The following IL1R1 variants were observed in gnomAD, a reference collection of about 807,000 sequenced individuals.
IL1R1 encodes interleukin 1 receptor type 1.
A neutral mutation model predicts 50.2 loss-of-function variants in IL1R1; 22 were observed. The ratio of observed to expected loss-of-function variants is 0.44; its 90% CI spans 0.31 to 0.63. The LOEUF (loss-of-function observed/expected upper bound fraction) is 0.63, where lower values mean the gene tolerates loss of function less well. Among genes scored for constraint, IL1R1 ranks in the 20% least tolerant of loss-of-function variants. IL1R1 has a pLI of 0.07. For missense variants in IL1R1, 509 were observed against 676.2 expected, an observed-to-expected ratio of 0.75 and a Z score of 2.74; for synonymous variants, 251 against 236.7, an observed-to-expected ratio of 1.06 and a Z score of -0.55.
At chr2:102,107,105 C>A (rs570292295) in intron 1 of IL1R1, among the ~76,000 whole-genome samples, 1 of 152,054 alleles carries the variant, frequency 6.6e-6, no homozygotes. Flanking sequence ...ATTTATGTGC[C>A]CACCAGCACT....
At chr2:102,111,869 AAGAT>A (rs1680784944) in intron 1 of IL1R1, among the ~76,000 whole-genome samples, 1 of 152,158 alleles carries the variant, frequency 6.6e-6, no homozygotes, top group African/African-American at 2.4e-5. Context: ...TAACTTTAGA[AAGAT>A]AGAGGTGACC....
At chr2:102,158,584 A>G (rs1471220456) in intron 3 of IL1R1, among the ~76,000 whole-genome samples, 1 of 152,248 alleles carries the variant, frequency 6.6e-6, no homozygotes, top group Non-Finnish European at 1.5e-5. Flanking sequence ...AGTATTTGGC[A>G]GGCTTTCAGA....
chr2:102,109,093 G>A (rs574220224), intron 1 of IL1R1, among the ~76,000 whole-genome samples: 7 of 152,062 alleles, frequency 4.6e-5, no homozygotes, highest in African/African-American at 1.4e-4. Context: ...ATTAAGAAAC[G>A]GAAGCACAGA....
chr2:102,124,735 T>G (rs1181676531), intron 1 of IL1R1, among the ~76,000 whole-genome samples: 1 of 151,950 alleles, frequency 6.6e-6, no homozygotes, highest in African/African-American at 2.4e-5. Flanking sequence ...CTGGCCAACA[T>G]GGTAAAACCC....
chr2:102,089,293 AT>A (rs1185633301), intron 1 of IL1R1, among the ~76,000 whole-genome samples: 1 of 152,142 alleles, frequency 6.6e-6, no homozygotes, highest in Non-Finnish European at 1.5e-5. Context: ...TAATTTCAAT[AT>A]TGTTGCATCT....
chr2:102,172,951 C>G (rs1230290421), intron 9 of IL1R1, 113 bp downstream of exon 9: 5 of 690,918 alleles, frequency 7.2e-6, no homozygotes, highest in Admixed American at 2.8e-5. Flanking sequence ...TTCCTCATTA[C>G]TTGGGTAACT....
At chr2:102,093,956 C>T (rs1266844891) in intron 1 of IL1R1, among the ~76,000 whole-genome samples, 7 of 152,194 alleles carry the variant, frequency 4.6e-5, no homozygotes, top group East Asian at 1.9e-4. Context: ...AACCTGCCTC[C>T]GTCCTGAGCT....
chr2:102,076,006 C>T (rs1678940371), intron 1 of IL1R1, among the ~76,000 whole-genome samples: 1 of 152,326 alleles, frequency 6.6e-6, no homozygotes, highest in South Asian at 2.1e-4. Context: ...ATAACGCTTT[C>T]ATTTCTCCCT....
At chr2:102,121,312 C>T (rs1357879255) in intron 1 of IL1R1, among the ~76,000 whole-genome samples, 1 of 152,194 alleles carries the variant, frequency 6.6e-6, no homozygotes, top group African/African-American at 2.4e-5. Flanking sequence ...AACTTCTATC[C>T]CCCTCCTCGG....
intron 1 of IL1R1, among the ~76,000 whole-genome samples, chr2:102,110,436 C>CA (rs1382953195): frequency 1.4e-5 from 2 of 142,152 alleles, no homozygotes; most frequent in African/African-American, 5.3e-5. Context: ...CCCACCCCCC[C>CA]ACCCCACCAG....
At chr2:102,121,454 G>A (rs1681401956) in intron 1 of IL1R1, among the ~76,000 whole-genome samples, 1 of 152,304 alleles carries the variant, frequency 6.6e-6, no homozygotes, top group South Asian at 2.1e-4. Flanking sequence ...CCAGCCCGGT[G>A]ACTCAGTTTC....
At chr2:102,125,608 A>C (rs1031222581) in intron 1 of IL1R1, among the ~76,000 whole-genome samples, 1 of 152,242 alleles carries the variant, frequency 6.6e-6, no homozygotes, top group East Asian at 1.9e-4. Context: ...GGGCCTTGTT[A>C]GGCCCTTCCA....
rs1016260 is a variant in IL1R1 at position 102,130,476 on chromosome 2, G to A, written c.-83-23465G>A. Among the ~76,000 whole-genome samples the A allele has an allele frequency of 0.012, 1,809 of 152,084 alleles. 80 individuals are homozygous for A. The East Asian group carries it at 0.13, about 11-fold the overall frequency. ...TATCTTTCCTCTTTCCTTGACAGCT[G>A]TTCTTTCCTTTTCACTCTTGGTGGC... is the stretch of plus-strand genomic sequence containing the variant. On this transcript the variant is annotated intron_variant, in intron 1 of 10. Transcript: ENST00000409329.
rs147039622 is a variant in IL1R1 at position 102,108,207 on chromosome 2, AGT to A, written c.-84+3350_-84+3351del. On this transcript the variant is annotated intron_variant, in intron 1 of 10. Coordinates refer to the IL1R1 transcript ENST00000409329. ...TCGTCTTCTAATTCTAAACTTGGGA[AGT>A]GTGTGTGTGTGTGTATGTATGTGTG... Among the ~76,000 whole-genome samples, 1,428 of 148,824 alleles carry A rather than the reference AGT, an allele frequency of 9.6e-3. 22 individuals are homozygous for A. The highest frequency in any genetic ancestry group is 0.034 in the African/African-American group (1,366 of 40,210).
At chr2:102,155,445 AT>A (rs1255865635) in intron 2 of IL1R1, among the ~76,000 whole-genome samples, 1 of 152,156 alleles carries the variant, frequency 6.6e-6, no homozygotes, top group East Asian at 1.9e-4. Flanking sequence ...CTGCCTTGGA[AT>A]TTCTGTGTTA....
chr2:102,078,080 A>G (rs1679050408), intron 1 of IL1R1, among the ~76,000 whole-genome samples: 1 of 152,182 alleles, frequency 6.6e-6, no homozygotes. Flanking sequence ...CTATACATAG[A>G]GAAAAAATTA....
chr2:102,121,946 C>T (rs533060639), intron 1 of IL1R1, among the ~76,000 whole-genome samples: 27 of 152,224 alleles, frequency 1.8e-4, no homozygotes, highest in African/African-American at 6.5e-4. Context: ...GTAATAGATG[C>T]CTCTCCTTTA....
In IL1R1 at chr2:102,142,818, C is replaced by A. The variant is rs1174726565; in HGVS notation, c.-286C>A. 1 of 147,754 alleles carries A rather than the reference C, an allele frequency of 6.8e-6. No homozygotes were observed. Among genetic ancestry groups the A allele is most frequent in the African/African-American group, 2.4e-5 (1 of 40,920 alleles). The allele number at this position is 147,754 out of a possible 1,614,324, so 9.2% of individuals were successfully genotyped here. A position where few individuals can be genotyped will look rare whatever the true frequency, so the allele number is the denominator to read the frequency against. On this transcript the variant is annotated 5_prime_UTR_variant, in exon 1 of 12. Transcript: ENST00000410023. ...CCGACTCGGAGCGCGCGGCGCCGGC[C>A]GGGAGGAGCCGGAGAGCGGCCGGGC...
At chr2:102,072,226 C>A (rs961682026) in intron 1 of IL1R1, among the ~76,000 whole-genome samples, 1 of 150,292 alleles carries the variant, frequency 6.7e-6, no homozygotes, top group Non-Finnish European at 1.5e-5. Context: ...TGCCATTGCA[C>A]TCCAGCCTGG....
Sources: allele counts gnomAD v4.1 joint callset (sites outside exome capture counted in the v4.1 genomes callset), GRCh38; gene constraint gnomAD v4.1.1; transcripts MANE v1.5; gene names NCBI Gene and HGNC (gene_info 2026-07-23, HGNC 2026-07-21).